MOB3B: variants seen among roughly 807,000 people sequenced by gnomAD.
The protein encoded by MOB3B is MOB kinase activator-like 2B.
A neutral mutation model predicts 18.7 loss-of-function variants in MOB3B; 7 were observed. That is an observed-to-expected ratio of 0.37 (90% CI 0.21 to 0.70). The LOEUF is 0.70. Among genes scored for constraint, MOB3B ranks in the 30% least tolerant of loss-of-function variants. The pLI, the probability that MOB3B is intolerant of heterozygous loss-of-function variation, is 0.52. For missense variants in MOB3B, 253 were observed against 281.3 expected, an observed-to-expected ratio of 0.90 and a Z score of 0.72; for synonymous variants, 111 against 99.9, an observed-to-expected ratio of 1.11 and a Z score of -0.66.
At chr9:27,524,219 T>A in intron 1 of MOB3B, 1 of 949,298 alleles carries the variant, frequency 1.1e-6, no homozygotes, top group Middle Eastern at 3.2e-4. Context: ...AACTGTGAAA[T>A]GACGAATGAG....
At chr9:27,482,720 A>T (rs1819679825) in intron 1 of MOB3B, among the ~76,000 whole-genome samples, 1 of 152,216 alleles carries the variant, frequency 6.6e-6, no homozygotes, top group Admixed American at 6.5e-5. Flanking sequence ...AGCATTCTCT[A>T]AAAGTTGCTT....
intron 1 of MOB3B, among the ~76,000 whole-genome samples, chr9:27,466,873 G>C (rs1373021190): frequency 6.6e-6 from 1 of 152,076 alleles, no homozygotes; most frequent in Admixed American, 6.5e-5. Context: ...GTTGAGATTT[G>C]GGTGGGGACA....
rs1319794301 is a variant in MOB3B at position 27,359,130 on chromosome 9, C to T, written c.525G>A (p.Val175=). The T allele has an allele frequency of 1.2e-6, 2 of 1,614,118 alleles. No individual in the cohort carries two copies. Among genetic ancestry groups the T allele is most frequent in the Admixed American group, 3.3e-5 (2 of 60,010 alleles). ...TGTTGACATGGGCCTCTGCACCCAT[C>T]ACAATGACCCGGTCGAAGTGGTGGA... The part of the protein sequence containing the change: ...VYIHHFDRVI[V]MGAEAHVNTC... The change falls in exon 3 of 4, where the codon GTG becomes GTA. Residue 175 remains valine (V), a synonymous_variant. Coordinates refer to ENST00000262244, the MANE Select transcript of MOB3B (RefSeq NM_024761.5).
At chr9:27,485,701 A>G (rs1391989005) in intron 1 of MOB3B, among the ~76,000 whole-genome samples, 2 of 152,242 alleles carry the variant, frequency 1.3e-5, no homozygotes, top group African/African-American at 4.8e-5. Flanking sequence ...ACAAAATGTC[A>G]ACAGCAGAAT....
chr9:27,350,928 G>A (rs1458092460), intron 3 of MOB3B, among the ~76,000 whole-genome samples: 1 of 144,410 alleles, frequency 6.9e-6, no homozygotes, highest in Non-Finnish European at 1.5e-5. Flanking sequence ...TTAAGACGAA[G>A]TCTCGCTGTT....
chr9:27,350,140 G>C (rs1821084358), intron 3 of MOB3B, among the ~76,000 whole-genome samples: 1 of 148,528 alleles, frequency 6.7e-6, no homozygotes, highest in South Asian at 2.1e-4. Flanking sequence ...CAAGTGGTTG[G>C]AAAAGCCTTT....
chr9:27,497,450 TA>T (rs1297744840), intron 1 of MOB3B, among the ~76,000 whole-genome samples: 5 of 152,024 alleles, frequency 3.3e-5, no homozygotes, highest in Non-Finnish European at 5.9e-5. Flanking sequence ...GATTTAGTAT[TA>T]TACAAATATA....
At chr9:27,493,742 G>C (rs976385299) in intron 1 of MOB3B, among the ~76,000 whole-genome samples, 15 of 152,286 alleles carry the variant, frequency 9.8e-5, no homozygotes, top group Non-Finnish European at 1.8e-4. Flanking sequence ...GTCAGCCGAG[G>C]AGGATGTATA....
At chr9:27,479,266 A>G (rs1281687545) in intron 1 of MOB3B, among the ~76,000 whole-genome samples, 4 of 152,142 alleles carry the variant, frequency 2.6e-5, no homozygotes, top group Admixed American at 6.5e-5. Context: ...CATCCTTTAT[A>G]AGAAACCCCT....
intron 2 of MOB3B, among the ~76,000 whole-genome samples, chr9:27,442,574 C>A (rs1029409203): frequency 6.6e-6 from 1 of 152,174 alleles, no homozygotes; most frequent in African/African-American, 2.4e-5. Context: ...TACCTCCCAC[C>A]CTGCCCTTTC....
intron 2 of MOB3B, among the ~76,000 whole-genome samples, chr9:27,452,461 C>T (rs1466241434): frequency 6.6e-6 from 1 of 152,098 alleles, no homozygotes; most frequent in Non-Finnish European, 1.5e-5. Context: ...AAACAAACCA[C>T]TTCTGGGGGA....
intron 1 of MOB3B, among the ~76,000 whole-genome samples, chr9:27,495,594 G>C (rs1218635690): frequency 6.6e-6 from 1 of 152,116 alleles, no homozygotes; most frequent in Non-Finnish European, 1.5e-5. Context: ...ACTCAATTCA[G>C]GCTATGTGTA....
chr9:27,361,101 C>T (rs1250686148), intron 2 of MOB3B, among the ~76,000 whole-genome samples: 2 of 152,100 alleles, frequency 1.3e-5, no homozygotes, highest in Non-Finnish European at 2.9e-5. Context: ...GTCCTGTAAC[C>T]CACCTGGTGA....
chr9:27,406,329 T>C (rs930821980), intron 2 of MOB3B, among the ~76,000 whole-genome samples: 1 of 152,154 alleles, frequency 6.6e-6, no homozygotes, highest in Non-Finnish European at 1.5e-5. Flanking sequence ...TTACAATAGC[T>C]ACAATGCAAT....
chr9:27,469,952 C>T (rs1248160710), intron 1 of MOB3B, among the ~76,000 whole-genome samples: 1 of 151,588 alleles, frequency 6.6e-6, no homozygotes, highest in Non-Finnish European at 1.5e-5. Flanking sequence ...CAAAACAAAA[C>T]AAAATTAGCC....
At chr9:27,461,358 G>A (rs1356219639) in intron 1 of MOB3B, among the ~76,000 whole-genome samples, 1 of 152,226 alleles carries the variant, frequency 6.6e-6, no homozygotes, top group Non-Finnish European at 1.5e-5. Flanking sequence ...CTTAGTAGGT[G>A]CCATCTTTGC....
intron 2 of MOB3B, among the ~76,000 whole-genome samples, chr9:27,366,652 A>G (rs944112326): frequency 3.9e-5 from 6 of 152,014 alleles, no homozygotes; most frequent in Non-Finnish European, 8.8e-5. Flanking sequence ...TGTTTTCATC[A>G]TTTTCCCTTT....
chr9:27,517,100 C>G (rs1820247062), intron 1 of MOB3B, among the ~76,000 whole-genome samples: 1 of 152,144 alleles, frequency 6.6e-6, no homozygotes, highest in Non-Finnish European at 1.5e-5. Flanking sequence ...AAGTTGCCAA[C>G]CTTAACTTCT....
At chr9:27,434,706 C>G (rs1232710088) in intron 2 of MOB3B, among the ~76,000 whole-genome samples, 2 of 152,076 alleles carry the variant, frequency 1.3e-5, no homozygotes, top group Non-Finnish European at 2.9e-5. Context: ...TAGGGCTTAC[C>G]TTTACTCCTC....
Sources: allele counts gnomAD v4.1 joint callset (sites outside exome capture counted in the v4.1 genomes callset), GRCh38; gene constraint gnomAD v4.1.1; transcripts MANE v1.5; gene names NCBI Gene and HGNC (gene_info 2026-07-23, HGNC 2026-07-21).